SLC44A5: variants seen among roughly 807,000 people sequenced by gnomAD.
The protein encoded by SLC44A5 is choline transporter-like protein 5.
SLC44A5 carries 57 observed loss-of-function variants against 101.8 expected under a neutral mutation model. That is an observed-to-expected ratio of 0.56 (90% CI 0.45 to 0.70). The LOEUF is 0.70. Among genes scored for constraint, SLC44A5 ranks in the 30% least tolerant of loss-of-function variants. The pLI, the probability that SLC44A5 is intolerant of heterozygous loss-of-function variation, is 0.00. For missense variants in SLC44A5, 737 were observed against 853.1 expected (o/e 0.86, Z 1.70); for synonymous variants, 281 against 290.9 (o/e 0.97, Z 0.35).
chr1:75,543,629 G>A (rs1051849400), intron 1 of SLC44A5, among the ~76,000 whole-genome samples: 20 of 138,290 alleles, frequency 1.4e-4, no homozygotes, highest in East Asian at 2.1e-4. Flanking sequence ...ATATATATAC[G>A]TATATATACA....
intron 23 of SLC44A5, chr1:75,204,665 A>G (rs1646719496): frequency 6.7e-6 from 1 of 148,610 alleles, no homozygotes; most frequent in Admixed American, 6.7e-5. Context: ...TATATTTTTT[A>G]TAAAGATAGA....
At chr1:75,661,386 G>GAAAAAAAAAA in the SLC44A5 span, among the ~76,000 whole-genome samples, 1 of 10,378 alleles carries the variant, frequency 9.6e-5, no homozygotes, top group African/African-American at 3.7e-4. Flanking sequence ...ACTACTGCAA[G>GAAAAAAAAAA]TAAAAAAAAA....
chr1:75,294,191 A>G (rs940958831), intron 5 of SLC44A5, among the ~76,000 whole-genome samples: 2 of 152,190 alleles, frequency 1.3e-5, no homozygotes, highest in Non-Finnish European at 2.9e-5. Context: ...TAACAGCACA[A>G]TGTAATTTCC....
chr1:75,542,730 ATTAAGC>A (rs1350131045), intron 1 of SLC44A5, among the ~76,000 whole-genome samples: 1 of 152,156 alleles, frequency 6.6e-6, no homozygotes, highest in Non-Finnish European at 1.5e-5. Context: ...CATATTTAAG[ATTAAGC>A]TTTTGACTCA....
chr1:75,203,690 AGGTAACACACAGCT>A lies in SLC44A5; in HGVS notation c.*23_*36del. 6.6e-7 allele frequency: 1 copy of A among 1,525,546 alleles called. No homozygotes were observed. The highest frequency in any genetic ancestry group is 8.8e-7 in the Non-Finnish European group (1 of 1,135,422). The allele number at this position is 1,525,546 out of a possible 1,614,324, so 94.5% of individuals were successfully genotyped here. On this transcript the variant is annotated 3_prime_UTR_variant, in exon 24 of 24. Coordinates refer to ENST00000370859, the MANE Select transcript of SLC44A5 (RefSeq NM_001130058.2). ...TGCACAGACACAGCAGATGGAGAAA[AGGTAACACACAGCT>A]GTAGGACGACCAGTTTGCTCTTCTA...
chr1:75,475,882 A>G (rs1190084153), intron 2 of SLC44A5, among the ~76,000 whole-genome samples: 2 of 152,228 alleles, frequency 1.3e-5, no homozygotes, highest in Non-Finnish European at 2.9e-5. Context: ...AAATGGAGAT[A>G]AAAACAACAT....
intron 3 of SLC44A5, among the ~76,000 whole-genome samples, chr1:75,348,174 C>T (rs1658393182): frequency 6.6e-6 from 1 of 152,032 alleles, no homozygotes; most frequent in Non-Finnish European, 1.5e-5. Context: ...CTCTCTCTCT[C>T]TCTCTGTCAA....
chr1:75,646,836 G>A, the SLC44A5 span, among the ~76,000 whole-genome samples: 2 of 152,282 alleles, frequency 1.3e-5, no homozygotes, highest in Non-Finnish European at 2.9e-5. Flanking sequence ...AGATAATTTA[G>A]GGTAGCTGGC....
rs753887709 is a variant in SLC44A5, at chr1:75,238,642, A to G, written c.533-6T>C. 4 of 1,520,992 alleles carry G rather than the reference A, an allele frequency of 2.6e-6. No individual in the cohort carries two copies. The highest frequency in any genetic ancestry group is 3.6e-6 in the Non-Finnish European group (4 of 1,123,648). The allele number at this position is 1,520,992 out of a possible 1,614,324, so 94.2% of individuals were successfully genotyped here. ...AGGGAAACATCTCTGGAGAACTGTAAAAATAAATTAAAATTATTGTAATCA... is the reference window on the plus strand; with the variant it reads ...AGGGAAACATCTCTGGAGAACTGTAGAAATAAATTAAAATTATTGTAATCA... On this transcript the variant is annotated splice_region_variant and splice_polypyrimidine_tract_variant and intron_variant, in intron 9 of 23. Transcript: ENST00000370859.
chr1:75,308,209 T>C (rs1655048724), intron 4 of SLC44A5, among the ~76,000 whole-genome samples: 1 of 152,218 alleles, frequency 6.6e-6, no homozygotes, highest in Non-Finnish European at 1.5e-5. Context: ...TTATATAAGA[T>C]AACATTTAAG....
intron 2 of SLC44A5, among the ~76,000 whole-genome samples, chr1:75,400,203 GA>G (rs773265252): frequency 1.6e-4 from 25 of 152,216 alleles, no homozygotes; most frequent in Non-Finnish European, 2.6e-4. Context: ...AAAGGATGGG[GA>G]TACAAGGGTT....
At chr1:75,352,040 T>C (rs779839049) in intron 3 of SLC44A5, among the ~76,000 whole-genome samples, 14 of 152,032 alleles carry the variant, frequency 9.2e-5, no homozygotes, top group Non-Finnish European at 1.6e-4. Flanking sequence ...TCTGTTCTAC[T>C]ATTTTTGAAA....
chr1:75,357,590 A>G (rs1468926007), intron 3 of SLC44A5, among the ~76,000 whole-genome samples: 1 of 152,158 alleles, frequency 6.6e-6, no homozygotes, highest in Non-Finnish European at 1.5e-5. Context: ...GACAGCTCAT[A>G]TTTAGCTGTG....
chr1:75,261,708 CACA>C (rs1317772808), intron 6 of SLC44A5, among the ~76,000 whole-genome samples: 1 of 152,028 alleles, frequency 6.6e-6, no homozygotes, highest in Non-Finnish European at 1.5e-5. Context: ...CTGGCAGAGA[CACA>C]ACAACAGAAA....
intron 2 of SLC44A5, among the ~76,000 whole-genome samples, chr1:75,424,918 T>C (rs796209389): frequency 2.0e-5 from 3 of 152,290 alleles, no homozygotes; most frequent in African/African-American, 4.8e-5. Context: ...AACAATTCAT[T>C]TGAAAAGTTC....
At chr1:75,249,328 A>T (rs1272176011) in intron 7 of SLC44A5, among the ~76,000 whole-genome samples, 1 of 152,164 alleles carries the variant, frequency 6.6e-6, no homozygotes, top group Non-Finnish European at 1.5e-5. Flanking sequence ...TTTCTGAGGT[A>T]ATTGTAATGC....
chr1:75,341,443 C>G (rs1481178707), intron 3 of SLC44A5, among the ~76,000 whole-genome samples: 3 of 150,930 alleles, frequency 2.0e-5, no homozygotes, highest in African/African-American at 4.9e-5. Flanking sequence ...GATTGTGGCA[C>G]TGTACTCCAG....
At chr1:75,303,039 A>C (rs985194507) in intron 4 of SLC44A5, among the ~76,000 whole-genome samples, 2 of 152,174 alleles carry the variant, frequency 1.3e-5, no homozygotes, top group Non-Finnish European at 1.5e-5. Flanking sequence ...AGAAAGCAAA[A>C]CTTCAAATAA....
chr1:75,211,757 C>A (rs1411206908), intron 22 of SLC44A5, among the ~76,000 whole-genome samples: 2 of 151,704 alleles, frequency 1.3e-5, no homozygotes, highest in Non-Finnish European at 2.9e-5. Flanking sequence ...AATTAACTGC[C>A]TTTTTTTTCC....
Sources: gnomAD v4.1 joint callset for allele counts (sites outside exome capture counted in the v4.1 genomes callset) on GRCh38, gnomAD v4.1.1 for gene constraint, MANE v1.5 for transcripts, NCBI Gene and HGNC (gene_info 2026-07-23, HGNC 2026-07-21) for gene names.